Variants in FAM240B observed in about 807,000 individuals in gnomAD.
FAM240B encodes the protein family with sequence similarity 240 member B, also known as protein FAM240B.
intron 2 of FAM240B, among the ~76,000 whole-genome samples, chr9:38,697,510 C>T (rs968877651): frequency 9.9e-5 from 15 of 152,178 alleles, no homozygotes; most frequent in Non-Finnish European, 1.9e-4. Context: ...ATTTCTCTGG[C>T]TTCGTGGTGT....
intron 1 of FAM240B, among the ~76,000 whole-genome samples, chr9:38,706,425 G>A (rs1821190917): frequency 6.6e-6 from 1 of 152,178 alleles, no homozygotes; most frequent in African/African-American, 2.4e-5. Context: ...ACCCTTTCCT[G>A]TGACTGATGG....
chr9:38,710,055 C>T (rs1821236673), intron 1 of FAM240B, among the ~76,000 whole-genome samples: 1 of 152,110 alleles, frequency 6.6e-6, no homozygotes, highest in Non-Finnish European at 1.5e-5. Flanking sequence ...CTGCAACCTC[C>T]GCCTCCCGGG....
intron 1 of FAM240B, among the ~76,000 whole-genome samples, chr9:38,711,414 C>T (rs1026265677): frequency 6.6e-6 from 1 of 152,150 alleles, no homozygotes; most frequent in Non-Finnish European, 1.5e-5. Flanking sequence ...GCTAAGATGG[C>T]TCCACCTGAC....
In FAM240B at chr9:38,713,481, CAAAAAAAAA is replaced by C. The variant is rs77404875; in HGVS notation, c.-4+6532_-4+6540del. Among the ~76,000 whole-genome samples the C allele has an allele frequency of 6.4e-3, 539 of 83,618 alleles. 3 individuals carry two copies. The highest frequency in any genetic ancestry group is 0.022 in the African/African-American group (451 of 20,808). 54.9% of individuals were successfully genotyped at this position (83,618 alleles called of 152,430 possible). A position where few individuals can be genotyped will look rare whatever the true frequency, so the allele number is the denominator to read the frequency against. ...CTACAGAGTGAGACTCCGTTTCAAA[CAAAAAAAAA>C]AAAAAAAAAAAAAAAGAACTAGATT... On this transcript the variant is annotated intron_variant, in intron 1 of 2. Coordinates refer to ENST00000637493, the MANE Select transcript of FAM240B (RefSeq NM_001394922.1).
intron 2 of FAM240B, among the ~76,000 whole-genome samples, chr9:38,697,245 A>G (rs7854806): frequency 0.11 from 17,111 of 152,202 alleles, 1,359 homozygotes; most frequent in African/African-American, 0.22. Flanking sequence ...TTCCCTTTGT[A>G]TTTGCCTCAG....
intron 1 of FAM240B, among the ~76,000 whole-genome samples, chr9:38,709,605 G>C (rs546632086): frequency 2.6e-5 from 4 of 152,144 alleles, no homozygotes; most frequent in Non-Finnish European, 5.9e-5. Flanking sequence ...TTCTCAAGTT[G>C]TTCTCTCTGT....
At position 38,694,481 on chromosome 9, in the gene FAM240B, T is replaced by C. The variant is rs533223263; in HGVS notation, c.*295A>G. The C allele has an allele frequency of 1.4e-5, 4 of 276,030 alleles. No individual in the cohort carries two copies. In the South Asian group the frequency reaches 6.8e-4, roughly 47 times the overall value. The allele number at this position is 276,030 out of a possible 1,614,324, so 17.1% of individuals were successfully genotyped here. On this transcript the variant is annotated 3_prime_UTR_variant, in exon 3 of 3. Coordinates refer to ENST00000637493, the MANE Select transcript of FAM240B (RefSeq NM_001394922.1). ...AAAATGACAAGGAAATGTGGAAATATACTAGGCTACATGGGTCTGTGAGAC... is the reference window on the plus strand; with the variant it reads ...AAAATGACAAGGAAATGTGGAAATACACTAGGCTACATGGGTCTGTGAGAC...
chr9:38,704,607 C>T (rs1024031149), intron 1 of FAM240B, among the ~76,000 whole-genome samples: 1 of 152,166 alleles, frequency 6.6e-6, no homozygotes, highest in African/African-American at 2.4e-5. Context: ...TGTGTGTCTG[C>T]ATGTGTAAGA....
chr9:38,711,071 A>C (rs10116668), intron 1 of FAM240B, among the ~76,000 whole-genome samples: 5,161 of 152,264 alleles, frequency 0.034, 288 homozygotes, highest in African/African-American at 0.12. Flanking sequence ...GCAATGTGCA[A>C]GTCATCACTG....
intron 1 of FAM240B, among the ~76,000 whole-genome samples, chr9:38,710,846 C>T (rs1821246721): frequency 6.6e-6 from 1 of 152,152 alleles, no homozygotes; most frequent in African/African-American, 2.4e-5. Flanking sequence ...CCACAACAAG[C>T]GTCTTCTTAT....
At chr9:38,714,984 C>T (rs1821292316) in intron 1 of FAM240B, among the ~76,000 whole-genome samples, 1 of 152,118 alleles carries the variant, frequency 6.6e-6, no homozygotes, top group African/African-American at 2.4e-5. Context: ...ACCATGGCTA[C>T]GTAAGATGTT....
chr9:38,698,346 G>A (rs1821089488), intron 2 of FAM240B, among the ~76,000 whole-genome samples: 1 of 152,246 alleles, frequency 6.6e-6, no homozygotes, highest in South Asian at 2.1e-4. Context: ...ACAAATTATG[G>A]TTGAATTGCA....
intron 1 of FAM240B, among the ~76,000 whole-genome samples, chr9:38,707,902 A>G (rs1178862669): frequency 2.6e-5 from 4 of 152,032 alleles, no homozygotes; most frequent in Non-Finnish European, 5.9e-5. Context: ...AAACACTTAT[A>G]GGGTCTCTGT....
chr9:38,702,866 A>T (rs1052627182), intron 2 of FAM240B, among the ~76,000 whole-genome samples: 2 of 152,238 alleles, frequency 1.3e-5, no homozygotes, highest in Admixed American at 6.5e-5. Context: ...ATTGTAACAG[A>T]GAAAGGGTAG....
chr9:38,713,893 T>G (rs533134603), intron 1 of FAM240B, among the ~76,000 whole-genome samples: 6 of 152,332 alleles, frequency 3.9e-5, no homozygotes, highest in Admixed American at 3.9e-4. Flanking sequence ...AAGCACTACT[T>G]TTATCTCCTT....
At chr9:38,718,969 A>G (rs1234338490) in intron 1 of FAM240B, among the ~76,000 whole-genome samples, 1 of 152,152 alleles carries the variant, frequency 6.6e-6, no homozygotes, top group Non-Finnish European at 1.5e-5. Context: ...TTTGGAAAAG[A>G]TACGTAAGTC....
At chr9:38,713,757 T>C (rs2119013513) in intron 1 of FAM240B, among the ~76,000 whole-genome samples, 1 of 152,270 alleles carries the variant, frequency 6.6e-6, no homozygotes, top group Middle Eastern at 3.4e-3. Context: ...AAGATATAGA[T>C]TGACAAGGCA....
intron 1 of FAM240B, among the ~76,000 whole-genome samples, chr9:38,711,659 CTT>C (rs71365908): frequency 0.55 from 77,006 of 139,262 alleles, 20,371 homozygotes; most frequent in Middle Eastern, 0.59. Context: ...CTTTCTTCTT[CTT>C]TTTTTTTTTT....
intron 1 of FAM240B, among the ~76,000 whole-genome samples, chr9:38,719,121 T>C (rs1257728114): frequency 6.6e-6 from 1 of 152,058 alleles, no homozygotes; most frequent in African/African-American, 2.4e-5. Flanking sequence ...GTTTCAGTTT[T>C]TTCACCTTCA....
Sources: gnomAD v4.1 joint callset for allele counts (sites outside exome capture counted in the v4.1 genomes callset) on GRCh38, gnomAD v4.1.1 for gene constraint, MANE v1.5 for transcripts, NCBI Gene and HGNC (gene_info 2026-07-23, HGNC 2026-07-21) for gene names.